Variants in VPS13C observed in about 807,000 individuals in gnomAD.
VPS13C encodes the protein intermembrane lipid transfer protein VPS13C.
Under a neutral mutation model 456.8 loss-of-function variants are expected in VPS13C, and 358 were observed. That is an observed-to-expected ratio of 0.78 (90% CI 0.72 to 0.86). The LOEUF (loss-of-function observed/expected upper bound fraction) is 0.86. VPS13C is among the 40% of genes least tolerant of loss of function. The pLI is 0.00. For synonymous variants in VPS13C, 1,578 were observed against 1,486.7 expected, an observed-to-expected ratio of 1.06 and a Z score of -1.41; for missense variants, 4,818 against 4,385.4, an observed-to-expected ratio of 1.10 and a Z score of -2.79.
At chr15:61,893,765 T>G (rs1325872844) in intron 66 of VPS13C, among the ~76,000 whole-genome samples, 1 of 152,010 alleles carries the variant, frequency 6.6e-6, no homozygotes, top group Non-Finnish European at 1.5e-5. Context: ...AGTGTAGCAT[T>G]TTTTAGTTTT....
At chr15:62,005,464 T>G (rs561697442) in intron 15 of VPS13C, among the ~76,000 whole-genome samples, 1 of 152,276 alleles carries the variant, frequency 6.6e-6, no homozygotes, top group South Asian at 2.1e-4. Context: ...GTCTTGACTC[T>G]TTATCCAATT....
intron 25 of VPS13C, 111 bp downstream of exon 25, chr15:61,974,177 C>T (rs1296238584): frequency 8.9e-7 from 1 of 1,121,016 alleles, no homozygotes; most frequent in African/African-American, 1.6e-5. Flanking sequence ...ATTTTACTTT[C>T]ATTTCTGTAC....
In VPS13C at chr15:62,058,718, C is replaced by T. The variant is rs201033165; in HGVS notation, c.100+1557G>A. 3.3e-5 allele frequency among the ~76,000 whole-genome samples: 5 copies of T among 152,268 alleles called. No individual in the cohort carries two copies. The East Asian group carries it at 7.7e-4, about 23-fold the overall frequency. ...ACCAAGGGACTATTGTATTGTTGGG[C>T]AAACCACAGTGAACCAATCAAATGA... On this transcript the variant is annotated intron_variant, in intron 1 of 84. Transcript: ENST00000644861.
At position 61,853,234 on chromosome 15, in the gene VPS13C, T is replaced by C. The variant is rs944394975; in HGVS notation, c.*1223A>G. The C allele has an allele frequency of 3.9e-5, 6 of 152,302 alleles. No individual in the cohort carries two copies. The highest frequency in any genetic ancestry group is 1.4e-4 in the African/African-American group (6 of 41,576). The allele number at this position is 152,302 out of a possible 1,614,324, so 9.4% of individuals were successfully genotyped here. A position where few individuals can be genotyped will look rare whatever the true frequency, so the allele number is the denominator to read the frequency against. On this transcript the variant is annotated 3_prime_UTR_variant, in exon 85 of 85. Transcript: ENST00000644861. ...AAGAATTTTCATTCTTCTTAGTAAGTATTTAAAATACATTCTAGGCGTGCA... is the reference window on the plus strand; with the variant it reads ...AAGAATTTTCATTCTTCTTAGTAAGCATTTAAAATACATTCTAGGCGTGCA...
chr15:61,926,171 G>A (rs2043841007), intron 52 of VPS13C, among the ~76,000 whole-genome samples: 1 of 152,190 alleles, frequency 6.6e-6, no homozygotes, highest in African/African-American at 2.4e-5. Context: ...GGCCAAAGTA[G>A]GGGGAATGCT....
chr15:61,882,576 T>A lies in VPS13C; in HGVS notation c.9624+20A>T, dbSNP rs761010892. On this transcript the variant is annotated intron_variant, in intron 69 of 84. Coordinates refer to ENST00000644861, the MANE Select transcript of VPS13C (RefSeq NM_020821.3). ...TTCCCAAAGTGATGATAAATACTTA[T>A]TTGAGAATGACAATGTTACCTGAAG... 1 of 1,498,088 alleles carries A rather than the reference T, an allele frequency of 6.7e-7. No homozygotes were observed. The highest frequency in any genetic ancestry group is 8.9e-7 in the Non-Finnish European group (1 of 1,125,244). The allele number at this position is 1,498,088 out of a possible 1,614,324, so 92.8% of individuals were successfully genotyped here.
At chr15:61,912,332 G>C (rs2043326022) in intron 62 of VPS13C, among the ~76,000 whole-genome samples, 1 of 152,056 alleles carries the variant, frequency 6.6e-6, no homozygotes, top group Non-Finnish European at 1.5e-5. Context: ...TTTGTTATCT[G>C]CTATTAGTAA....
chr15:61,911,632 C>T (rs1267771559), intron 63 of VPS13C, among the ~76,000 whole-genome samples: 1 of 152,106 alleles, frequency 6.6e-6, no homozygotes, highest in Non-Finnish European at 1.5e-5. Context: ...AGAAAAAAGA[C>T]TATTAATGAT....
chr15:61,859,503 CA>C (rs1345789571), intron 82 of VPS13C, among the ~76,000 whole-genome samples: 1 of 152,178 alleles, frequency 6.6e-6, no homozygotes, highest in African/African-American at 2.4e-5. Context: ...ACCATCCAGC[CA>C]TTCCACACTG....
chr15:62,022,341 TC>T (rs1474011180), intron 8 of VPS13C, among the ~76,000 whole-genome samples: 1 of 151,964 alleles, frequency 6.6e-6, no homozygotes, highest in African/African-American at 2.4e-5. Flanking sequence ...CTGAGGAAAC[TC>T]CACACTGTTT....
chr15:61,927,254 G>A lies in VPS13C; in HGVS notation c.6353C>T (p.Ala2118Val), dbSNP rs1196533822. ...AGGAGCATCAGCCTTTGTCAGGCTG[G>A]CAACAAATACCACTTCTGGATCTGT... ...MITDPEVVFV[A>V]SLTKADAPAL... Residue 2118 changes from alanine to valine, a missense_variant, in exon 52 of 85, where the codon GCC becomes GTC. By Grantham distance (64) the Ala-to-Val change is moderately conservative (BLOSUM62 0). Transcript: ENST00000644861. 1 of 1,614,062 alleles carries A rather than the reference G, an allele frequency of 6.2e-7. No homozygotes were observed. The highest frequency in any genetic ancestry group is 8.5e-7 in the Non-Finnish European group (1 of 1,180,028).
At chr15:61,990,075 C>T (rs2046177298) in intron 18 of VPS13C, among the ~76,000 whole-genome samples, 1 of 152,118 alleles carries the variant, frequency 6.6e-6, no homozygotes, top group Non-Finnish European at 1.5e-5. Context: ...TAGTAAAATA[C>T]ATCTACTGCA....
intron 66 of VPS13C, among the ~76,000 whole-genome samples, chr15:61,900,346 T>C (rs1252246758): frequency 2.6e-5 from 4 of 152,200 alleles, no homozygotes; most frequent in African/African-American, 9.7e-5. Flanking sequence ...GACGACATGA[T>C]TGTATATTTA....
chr15:61,953,834 A>G (rs1031237428), intron 38 of VPS13C, among the ~76,000 whole-genome samples: 16 of 152,092 alleles, frequency 1.1e-4, no homozygotes, highest in African/African-American at 3.1e-4. Context: ...CCTCCCTACC[A>G]TCAGCACCCC....
At chr15:61,959,384 C>G in intron 36 of VPS13C, 64 bp downstream of exon 36, 1 of 1,408,236 alleles carries the variant, frequency 7.1e-7, no homozygotes, top group Non-Finnish European at 9.5e-7. Flanking sequence ...ATTTGGATTT[C>G]TGCTAAAAGT....
chr15:62,022,189 CT>C (rs1279463621), intron 8 of VPS13C, among the ~76,000 whole-genome samples: 1 of 151,824 alleles, frequency 6.6e-6, no homozygotes, highest in African/African-American at 2.4e-5. Context: ...TCCAAGCCCC[CT>C]AGTGGATGTC....
At chr15:61,889,853 C>T (rs767027519) in intron 67 of VPS13C, among the ~76,000 whole-genome samples, 2 of 151,810 alleles carry the variant, frequency 1.3e-5, no homozygotes, top group African/African-American at 2.4e-5. Context: ...TTCCTTTTCT[C>T]AGTATTTTTG....
intron 75 of VPS13C, among the ~76,000 whole-genome samples, chr15:61,876,434 GA>G (rs1042131599): frequency 4.0e-5 from 6 of 151,714 alleles, no homozygotes; most frequent in African/African-American, 1.2e-4. Flanking sequence ...AAAAAAAAGG[GA>G]AAACATATCC....
intron 69 of VPS13C, among the ~76,000 whole-genome samples, chr15:61,882,392 C>A (rs370790437): frequency 8.5e-5 from 13 of 152,132 alleles, no homozygotes; most frequent in African/African-American, 3.1e-4. Context: ...CTTTTGCAGG[C>A]TAATCGATCA....
Sources: gnomAD v4.1 joint callset for allele counts (sites outside exome capture counted in the v4.1 genomes callset) on GRCh38, gnomAD v4.1.1 for gene constraint, MANE v1.5 for transcripts, NCBI Gene and HGNC (gene_info 2026-07-23, HGNC 2026-07-21) for gene names.